The following ANKS1B variants were observed in gnomAD, a reference collection of about 807,000 sequenced individuals.
ANKS1B encodes ankyrin repeat and sterile alpha motif domain-containing protein 1B.
In ANKS1B, 36 loss-of-function variants were observed where a neutral mutation model predicts 148.3. That is an observed-to-expected ratio of 0.24 (90% CI 0.19 to 0.32). ANKS1B has a LOEUF of 0.32. Ranked by LOEUF, ANKS1B falls within the 10% of genes least tolerant of loss-of-function variation. ANKS1B has a pLI of 1.00. For synonymous variants in ANKS1B, 542 were observed against 560.8 expected (o/e 0.97, Z 0.47); for missense variants, 1,157 against 1,542.6 (o/e 0.75, Z 4.19).
At chr12:99,458,034 A>C (rs1277898885) in intron 10 of ANKS1B, among the ~76,000 whole-genome samples, 1 of 152,112 alleles carries the variant, frequency 6.6e-6, no homozygotes, top group African/African-American at 2.4e-5. Context: ...GCCATAAAAC[A>C]AGTCTCAACA....
intron 25 of ANKS1B, among the ~76,000 whole-genome samples, chr12:98,757,685 C>T (rs1484381887): frequency 2.6e-5 from 4 of 152,228 alleles, no homozygotes; most frequent in African/African-American, 7.2e-5. Context: ...TCTCCAGTTA[C>T]TACCTCCCTT....
chr12:99,727,335 T>C (rs997207745), intron 8 of ANKS1B, among the ~76,000 whole-genome samples: 1 of 151,962 alleles, frequency 6.6e-6, no homozygotes, highest in African/African-American at 2.4e-5. Flanking sequence ...AGCATTCCTA[T>C]ACACCAACAA....
intron 10 of ANKS1B, among the ~76,000 whole-genome samples, chr12:99,503,065 T>C (rs1400133523): frequency 3.9e-5 from 6 of 152,348 alleles, no homozygotes; most frequent in Admixed American, 3.3e-4. Context: ...GCCTCCTGAA[T>C]AGCTGGGACT....
chr12:99,220,175 T>A (rs533135549), intron 14 of ANKS1B, among the ~76,000 whole-genome samples: 5 of 152,048 alleles, frequency 3.3e-5, no homozygotes, highest in Admixed American at 2.0e-4. Context: ...AATTTTTGTA[T>A]TTTGAGTAGA....
chr12:98,985,357 A>C (rs1363194971), intron 17 of ANKS1B, among the ~76,000 whole-genome samples: 2 of 152,124 alleles, frequency 1.3e-5, no homozygotes, highest in Non-Finnish European at 2.9e-5. Context: ...GATGATATTT[A>C]GATCATTTAC....
chr12:99,732,297 T>G (rs1321109655), intron 8 of ANKS1B, among the ~76,000 whole-genome samples: 1 of 152,212 alleles, frequency 6.6e-6, no homozygotes, highest in Non-Finnish European at 1.5e-5. Context: ...AATCCCACTC[T>G]TACATGTTTA....
intron 12 of ANKS1B, among the ~76,000 whole-genome samples, chr12:99,338,370 T>C (rs1262712223): frequency 6.6e-6 from 1 of 152,128 alleles, no homozygotes; most frequent in African/African-American, 2.4e-5. Flanking sequence ...CCAAAGGCTC[T>C]TCAGTTAGCT....
intron 1 of ANKS1B, among the ~76,000 whole-genome samples, chr12:99,895,360 C>G (rs1222580414): frequency 6.7e-6 from 1 of 150,206 alleles, no homozygotes; most frequent in Non-Finnish European, 1.5e-5. Flanking sequence ...CTGAGAAGTC[C>G]CATGTGGCGA....
rs531336845 is a variant in ANKS1B, at chr12:99,727,817, G to T, written c.1128+45105C>A. ...ATATAGACCAGTGGAACAGAACGGAGAACTCAGAAATAACACCACACATCT... is the reference window on the plus strand; with the variant it reads ...ATATAGACCAGTGGAACAGAACGGATAACTCAGAAATAACACCACACATCT... On this transcript the variant is annotated intron_variant, in intron 8 of 26. Transcript: ENST00000683438. 9.0e-4 allele frequency among the ~76,000 whole-genome samples: 137 copies of T among 152,164 alleles called. 3 individuals carry two copies. The Middle Eastern group carries it at 0.01, about 11-fold the overall frequency.
At chr12:98,927,818 T>C (rs1188546900) in intron 17 of ANKS1B, among the ~76,000 whole-genome samples, 1 of 150,884 alleles carries the variant, frequency 6.6e-6, no homozygotes, top group African/African-American at 2.4e-5. Flanking sequence ...CTAGAAAATT[T>C]ATATGTTAAA....
chr12:99,378,086 G>C (rs1369303842), intron 12 of ANKS1B, among the ~76,000 whole-genome samples: 1 of 152,152 alleles, frequency 6.6e-6, no homozygotes, highest in Non-Finnish European at 1.5e-5. Flanking sequence ...ACTTCAAAAA[G>C]ATCTAAGGCT....
intron 9 of ANKS1B, among the ~76,000 whole-genome samples, chr12:99,593,264 T>G (rs2097722635): frequency 6.6e-6 from 1 of 151,916 alleles, no homozygotes; most frequent in South Asian, 2.1e-4. Flanking sequence ...ATAATTTTAT[T>G]TTTGGTTTAC....
downstream of ANKS1B, among the ~76,000 whole-genome samples, chr12:98,741,586 C>T (rs1235916102): frequency 6.6e-6 from 1 of 152,166 alleles, no homozygotes; most frequent in Admixed American, 6.5e-5. Flanking sequence ...GCCCCATCCC[C>T]CTCACTCATG....
chr12:99,001,619 A>G (rs1256531966), intron 17 of ANKS1B, among the ~76,000 whole-genome samples: 2 of 152,188 alleles, frequency 1.3e-5, no homozygotes, highest in Non-Finnish European at 1.5e-5. Context: ...TAATTGACAC[A>G]TCTGTCATCT....
chr12:99,190,322 C>T (rs969115624), intron 14 of ANKS1B, among the ~76,000 whole-genome samples: 1 of 152,036 alleles, frequency 6.6e-6, no homozygotes, highest in Admixed American at 6.6e-5. Flanking sequence ...ACTTTCTTCA[C>T]AGAATTAGAA....
chr12:98,883,368 T>G (rs1006812108), intron 17 of ANKS1B, among the ~76,000 whole-genome samples: 6 of 152,206 alleles, frequency 3.9e-5, no homozygotes, highest in African/African-American at 1.4e-4. Context: ...AAAGTAATTC[T>G]TTCTGGTGTG....
rs2099007264 is a variant in ANKS1B at position 98,801,879 on chromosome 12, C to T, written c.3142-754G>A. 6.6e-6 allele frequency among the ~76,000 whole-genome samples: 1 copy of T among 152,182 alleles called. No homozygotes were observed. The highest frequency in any genetic ancestry group is 6.5e-5 in the Admixed American group (1 of 15,272). On this transcript the variant is annotated intron_variant, in intron 20 of 26. Transcript: ENST00000683438. The surrounding 1 kb of genome is among the most constrained non-coding windows in gnomAD (Gnocchi z 5.2). ...TGATACAGACCTAAAACAGGAGGAC[C>T]TCCCATCATTTCATTTATCATTTTC...
At chr12:99,699,444 T>G (rs1217324041) in intron 8 of ANKS1B, among the ~76,000 whole-genome samples, 1 of 152,154 alleles carries the variant, frequency 6.6e-6, no homozygotes, top group Non-Finnish European at 1.5e-5. Flanking sequence ...TATATGCCTT[T>G]TCATCCCCTT....
In ANKS1B at chr12:99,402,463, C is replaced by T. The variant is rs796620954; in HGVS notation, c.1576-2652G>A. Among the ~76,000 whole-genome samples, 13 of 145,588 alleles carry T rather than the reference C, an allele frequency of 8.9e-5. 2 individuals carry two copies. Among genetic ancestry groups the T allele is most frequent in the African/African-American group, 3.4e-4 (13 of 38,252 alleles). ...TTAGTTATTTTTCCTGATCCTCTCC[C>T]TCCTCCCACCCTCCACCATCTGATA... is the stretch of plus-strand genomic sequence containing the variant. On this transcript the variant is annotated intron_variant, in intron 11 of 26. Coordinates refer to ENST00000683438, the MANE Select transcript of ANKS1B (RefSeq NM_001352186.2).
Sources: gnomAD v4.1 joint callset for allele counts (sites outside exome capture counted in the v4.1 genomes callset) on GRCh38, gnomAD v4.1.1 for gene constraint, Gnocchi (gnomAD v3.1) non-coding constraint, MANE v1.5 for transcripts, NCBI Gene and HGNC (gene_info 2026-07-23, HGNC 2026-07-21) for gene names.